The following THRAP3 variants were observed in gnomAD, a reference collection of about 807,000 sequenced individuals.
The protein encoded by THRAP3 is thyroid hormone receptor associated protein 3, also known as thyroid hormone receptor-associated protein 3.
THRAP3 carries 16 observed loss-of-function variants against 101.0 expected under a neutral mutation model. The observed-to-expected ratio is 0.16, with a 90% CI of 0.11 to 0.24. The LOEUF is 0.24. THRAP3 is among the 10% of genes least tolerant of loss of function. The pLI, the probability that THRAP3 is intolerant of heterozygous loss-of-function variation, is 1.00. For missense variants in THRAP3, 989 were observed against 1,202.7 expected (o/e 0.82, Z 2.63); for synonymous variants, 407 against 422.6 (o/e 0.96, Z 0.45).
upstream of THRAP3, among the ~76,000 whole-genome samples, chr1:36,219,709 C>T (rs1284327732): frequency 3.9e-5 from 6 of 152,054 alleles, 1 homozygote; most frequent in South Asian, 2.1e-4. Flanking sequence ...GGATTACAGG[C>T]GTGAGCCTCC....
chr1:36,292,574 A>G, intron 6 of THRAP3, 24 bp from the exon 7 acceptor site: 2 of 1,589,828 alleles, frequency 1.3e-6, no homozygotes, highest in African/African-American at 1.3e-5. Context: ...CTGGCCCATA[A>G]TGTGTTTCTT....
At chr1:36,224,751 A>G (rs1477775972) in intron 1 of THRAP3, among the ~76,000 whole-genome samples, 1 of 152,016 alleles carries the variant, frequency 6.6e-6, no homozygotes, top group Admixed American at 6.6e-5. Context: ...CCTTCTCTGC[A>G]GAGCAGCTCC....
chr1:36,285,332 CTATATCATAGTAGA>C (rs1249027577), intron 3 of THRAP3, among the ~76,000 whole-genome samples: 2 of 152,174 alleles, frequency 1.3e-5, no homozygotes, highest in African/African-American at 4.8e-5. Context: ...TGTCAATGAT[CTATATCATAGTAGA>C]TAGGAAAAGT....
intron 2 of THRAP3, among the ~76,000 whole-genome samples, chr1:36,277,813 G>A (rs548818365): frequency 4.2e-4 from 64 of 152,204 alleles, no homozygotes; most frequent in African/African-American, 1.4e-3. Context: ...AAGCTGGATC[G>A]CAATGGCACA....
intron 2 of THRAP3, among the ~76,000 whole-genome samples, chr1:36,277,193 T>C (rs1645672084): frequency 6.6e-6 from 1 of 151,998 alleles, no homozygotes; most frequent in South Asian, 2.1e-4. Context: ...GATCTCGAAC[T>C]CCTGACCTCA....
At chr1:36,208,798 C>G in the THRAP3 span, among the ~76,000 whole-genome samples, 1,385 of 152,076 alleles carry the variant, frequency 9.1e-3, 23 homozygotes, top group African/African-American at 0.032. Flanking sequence ...TCCTGAATAG[C>G]TGGGACTACA....
chr1:36,277,422 A>G (rs1645675085), intron 2 of THRAP3, among the ~76,000 whole-genome samples: 2 of 151,556 alleles, frequency 1.3e-5, no homozygotes, highest in African/African-American at 4.9e-5. Context: ...CTGGTCTCGA[A>G]CTCCTGACCT....
At position 36,259,969 on chromosome 1, in the gene THRAP3, G is replaced by A. The variant is rs367741344; in HGVS notation, c.-32+485G>A. 8.6e-5 allele frequency among the ~76,000 whole-genome samples: 13 copies of A among 152,016 alleles called. No homozygotes were observed. The East Asian group carries it at 1.2e-3, about 14-fold the overall frequency. On this transcript the variant is annotated intron_variant, in intron 2 of 11. Transcript: ENST00000354618. ...TTTTAATTAAAATTGGGGGCCAGGC[G>A]TGGTGGCTCCTGACTGTAATCCCAG... is the stretch of plus-strand genomic sequence containing the variant.
the THRAP3 span, among the ~76,000 whole-genome samples, chr1:36,214,383 C>T: frequency 1.1e-4 from 16 of 152,188 alleles, no homozygotes; most frequent in Non-Finnish European, 1.8e-4. Flanking sequence ...GATATGATCT[C>T]CTAAATGTCC....
At chr1:36,291,323 T>A in intron 5 of THRAP3, 51 bp from the exon 6 acceptor site, 1 of 1,552,686 alleles carries the variant, frequency 6.4e-7, no homozygotes, top group Non-Finnish European at 8.8e-7. Flanking sequence ...GGTTTTAATG[T>A]TCTTCCTGTG....
At chr1:36,292,256 CT>C (rs1209163379) in intron 6 of THRAP3, among the ~76,000 whole-genome samples, 1 of 54,532 alleles carries the variant, frequency 1.8e-5, no homozygotes, top group Non-Finnish European at 3.5e-5. Flanking sequence ...TAATGTGTTT[CT>C]TTGTTTCTTT....
At chr1:36,240,377 T>C (rs1342185696) in intron 1 of THRAP3, among the ~76,000 whole-genome samples, 1 of 152,192 alleles carries the variant, frequency 6.6e-6, no homozygotes, top group Non-Finnish European at 1.5e-5. Context: ...ACCTGGAGTC[T>C]GATGTCTAAG....
intron 1 of THRAP3, among the ~76,000 whole-genome samples, chr1:36,255,390 G>A (rs564001719): frequency 6.6e-6 from 1 of 152,074 alleles, no homozygotes; most frequent in South Asian, 2.1e-4. Flanking sequence ...CACTTTGGGA[G>A]GCTGAGGCTG....
At chr1:36,229,944 G>A (rs1194381210) in intron 1 of THRAP3, among the ~76,000 whole-genome samples, 3 of 136,400 alleles carry the variant, frequency 2.2e-5, no homozygotes, top group African/African-American at 5.4e-5. Context: ...GAGCCATCGC[G>A]CCCAGCCTTT....
At chr1:36,301,288 C>T (rs1646027615) in intron 10 of THRAP3, among the ~76,000 whole-genome samples, 1 of 152,222 alleles carries the variant, frequency 6.6e-6, no homozygotes, top group African/African-American at 2.4e-5. Context: ...TAGAAAGCCT[C>T]TTATGGCTTC....
At chr1:36,294,217 A>G (rs1354024812) in intron 8 of THRAP3, 1 of 1,188,838 alleles carries the variant, frequency 8.4e-7, no homozygotes, top group African/African-American at 1.6e-5. Flanking sequence ...TGAGAGAAGA[A>G]ACTTTTTGTG....
intron 1 of THRAP3, among the ~76,000 whole-genome samples, chr1:36,227,939 G>T (rs1045763588): frequency 1.1e-4 from 16 of 151,746 alleles, no homozygotes; most frequent in African/African-American, 3.9e-4. Context: ...GTGGTGGTGC[G>T]ATCTCGGCTC....
At chr1:36,241,383 GTGTA>G (rs1553192285) in intron 1 of THRAP3, among the ~76,000 whole-genome samples, 2,036 of 131,968 alleles carry the variant, frequency 0.015, 44 homozygotes, top group Middle Eastern at 0.02. Flanking sequence ...ATGATAATGG[GTGTA>G]TATATATATA....
the THRAP3 span, among the ~76,000 whole-genome samples, chr1:36,214,006 GAAAGAAAGAAAGAAA>G: frequency 1.4e-4 from 5 of 35,222 alleles, no homozygotes; most frequent in African/African-American, 2.3e-4. Context: ...AGGAAAGAAA[GAAAGAAAGAAAGAAA>G]GAAAGAAAGA....
Sources: allele counts gnomAD v4.1 joint callset (sites outside exome capture counted in the v4.1 genomes callset), GRCh38; gene constraint gnomAD v4.1.1; transcripts MANE v1.5; gene names NCBI Gene and HGNC (gene_info 2026-07-23, HGNC 2026-07-21).